ATRX: variants seen among roughly 807,000 people sequenced by gnomAD.
ATRX encodes the protein ATRX chromatin remodeler.
ATRX carries 12 observed loss-of-function variants against 172.6 expected under a neutral mutation model. The observed-to-expected ratio is 0.07, with a 90% confidence interval of 0.04 to 0.11. ATRX has a LOEUF of 0.11. ATRX is among the 10% of genes least tolerant of loss of function. The pLI is 1.00. For synonymous variants in ATRX, 674 were observed against 594.7 expected, an observed-to-expected ratio of 1.13 and a Z score of -1.94; for missense variants, 1,368 against 1,767.4, an observed-to-expected ratio of 0.77 and a Z score of 4.05.
chrX:77,776,487 T>C (rs782203742), intron 1 of ATRX, among the ~76,000 whole-genome samples: 16 of 112,389 alleles, frequency 1.4e-4, no homozygotes, highest in African/African-American at 4.8e-4. Context: ...CCAAACTATG[T>C]AAAATTGTGC....
intron 1 of ATRX, among the ~76,000 whole-genome samples, chrX:77,761,192 A>G (rs897889100): frequency 4.5e-5 from 5 of 111,451 alleles, no homozygotes; most frequent in Non-Finnish European, 3.8e-5. Context: ...TGGCCCTGAG[A>G]GTAATTGTTA....
chrX:77,756,024 C>G (rs1332138884), intron 1 of ATRX, among the ~76,000 whole-genome samples: 1 of 112,249 alleles, frequency 8.9e-6, no homozygotes, highest in Non-Finnish European at 1.9e-5. Context: ...GGGGCTGCTG[C>G]CTTTCTTTCA....
chrX:77,658,298 T>A (rs782710639), intron 12 of ATRX, among the ~76,000 whole-genome samples: 16 of 112,488 alleles, frequency 1.4e-4, no homozygotes, highest in Admixed American at 4.7e-4. Context: ...TCAAAATGCA[T>A]AATAATCTCA....
At position 77,682,560 on chromosome X, in the gene ATRX, G is replaced by A. The variant is rs782757975; in HGVS notation, c.2696C>T (p.Thr899Met). ...TCGATCTCTTAATTCCATGATGGTCGTGTCTTTATCAACTGTGCCTTCTGC... is the reference window on the plus strand; with the variant it reads ...TCGATCTCTTAATTCCATGATGGTCATGTCTTTATCAACTGTGCCTTCTGC... Reference protein sequence around the residue: ...SSAEGTVDKDTTIMELRDRLP... With the variant: ...SSAEGTVDKDMTIMELRDRLP... Residue 899 changes from threonine (T) to methionine (M), a missense_variant, in exon 9 of 35, where the codon ACG (threonine) becomes ATG (methionine). Transcript: ENST00000373344. The A allele has an allele frequency of 3.1e-5, 37 of 1,209,219 alleles. No homozygotes were observed. The highest frequency in any genetic ancestry group is 5.9e-5 in the East Asian group (2 of 33,765).
intron 1 of ATRX, among the ~76,000 whole-genome samples, chrX:77,734,162 G>A (rs1015353298): frequency 1.9e-5 from 2 of 107,287 alleles, no homozygotes; most frequent in Non-Finnish European, 1.9e-5. Flanking sequence ...AGCCGAGATC[G>A]TGCCAGTGCA....
intron 11 of ATRX, 25 bp from the exon 12 acceptor site, chrX:77,663,583 A>G: frequency 8.5e-7 from 1 of 1,172,735 alleles, no homozygotes; most frequent in Non-Finnish European, 1.2e-6. Flanking sequence ...TAAATCAATA[A>G]AACCTTCTTC....
intron 15 of ATRX, among the ~76,000 whole-genome samples, chrX:77,640,785 T>C (rs575137696): frequency 4.8e-4 from 53 of 111,183 alleles, no homozygotes; most frequent in South Asian, 2.7e-3. Context: ...ACTGAAGTTG[T>C]GGGGCAGAAC....
intron 30 of ATRX, among the ~76,000 whole-genome samples, chrX:77,556,393 G>C (rs1278623441): frequency 1.6e-5 from 1 of 62,330 alleles, no homozygotes; most frequent in Non-Finnish European, 3.0e-5. Context: ...GAGAGGGAGA[G>C]AGGGGAGGAG....
chrX:77,648,686 A>T (rs1385049102), intron 15 of ATRX, among the ~76,000 whole-genome samples: 4 of 110,138 alleles, frequency 3.6e-5, no homozygotes, highest in African/African-American at 1.3e-4. Flanking sequence ...TCAAGGAAAA[A>T]ATGATAAAAC....
Position 77,506,747 on chromosome X carries a change from C to CAA in ATRX, c.*1602_*1603dup. The CAA allele has an allele frequency of 5.8e-6, 1 of 173,002 alleles. No homozygotes were observed. Among genetic ancestry groups the CAA allele is most frequent in the Non-Finnish European group, 1.1e-5 (1 of 91,133 alleles). The allele number at this position is 173,002 out of a possible 1,213,427, so 14.3% of individuals were successfully genotyped here. Reference sequence around the variant, plus strand: ...ACCAAACCTCACAAATTCTGTATCACAATCCTAGTGCTCTTGGATGTTTTA... The same window carrying CAA: ...ACCAAACCTCACAAATTCTGTATCACAAAATCCTAGTGCTCTTGGATGTTTTA... On this transcript the variant is annotated 3_prime_UTR_variant, in exon 35 of 35. Transcript: ENST00000373344.
At chrX:77,571,834 A>T (rs2065425322) in intron 28 of ATRX, among the ~76,000 whole-genome samples, 1 of 111,447 alleles carries the variant, frequency 9.0e-6, no homozygotes, top group Admixed American at 9.5e-5. Flanking sequence ...AACCAAAAAT[A>T]GTATCAAGCT....
chrX:77,637,939 C>CAAAAAAAAAA (rs373944111), intron 15 of ATRX, among the ~76,000 whole-genome samples: 2 of 42,839 alleles, frequency 4.7e-5, no homozygotes, highest in African/African-American at 1.0e-4. Context: ...AGCTCCATCT[C>CAAAAAAAAAA]AAAAAAAAAA....
At chrX:77,587,181 C>G (rs782777625) in intron 27 of ATRX, among the ~76,000 whole-genome samples, 17 of 111,243 alleles carry the variant, frequency 1.5e-4, no homozygotes, top group African/African-American at 5.5e-4. Context: ...CTTTCATAAT[C>G]AGGACAAAAA....
chrX:77,613,854 A>T (rs1212075858), intron 22 of ATRX, among the ~76,000 whole-genome samples: 1 of 112,309 alleles, frequency 8.9e-6, no homozygotes, highest in African/African-American at 3.2e-5. Flanking sequence ...TTATTAAAAA[A>T]TTAAGTATCT....
intron 21 of ATRX, among the ~76,000 whole-genome samples, chrX:77,617,198 A>C (rs1200279554): frequency 8.9e-6 from 1 of 112,077 alleles, no homozygotes; most frequent in Non-Finnish European, 1.9e-5. Flanking sequence ...ATAATTTTAG[A>C]GGGAATATTT....
At chrX:77,617,531 T>C (rs1194900634) in intron 21 of ATRX, among the ~76,000 whole-genome samples, 7 of 111,361 alleles carry the variant, frequency 6.3e-5, no homozygotes, top group Non-Finnish European at 3.8e-5. Context: ...AATAATGTAG[T>C]GTTTGCATAT....
rs782428581 is a variant in ATRX at position 77,683,869 on chromosome X, T to G, written c.1387A>C (p.Lys463Gln). 2 of 1,210,099 alleles carry G rather than the reference T, an allele frequency of 1.7e-6. No homozygotes were observed. The highest frequency in any genetic ancestry group is 4.3e-5 in the Admixed American group (2 of 46,032). The change falls in exon 9 of 35, where the codon AAA becomes CAA. Residue 463 changes from lysine (K) to glutamine (Q), a missense_variant. Physicochemically the swap from Lys to Gln is moderately conservative, Grantham distance 53 (BLOSUM62 1). Around this residue, in one of 17 missense-constraint regions of ATRX, gnomAD observed 843 missense variants for 643.1 expected, o/e 1.31. Coordinates refer to ENST00000373344, the MANE Select transcript of ATRX (RefSeq NM_000489.6). ...EKKDISKSEA[K>Q]LSRKQVDSEH... ...CTATCTACCTGTTTTCTTGAAAGTTTAGCTTCTGACTTTGAAATATCCTTC... is the reference window on the plus strand; with the variant it reads ...CTATCTACCTGTTTTCTTGAAAGTTGAGCTTCTGACTTTGAAATATCCTTC...
At chrX:77,517,006 A>C (rs2147713621) in intron 34 of ATRX, among the ~76,000 whole-genome samples, 1 of 111,261 alleles carries the variant, frequency 9.0e-6, no homozygotes, top group South Asian at 3.8e-4. Flanking sequence ...ACATTAAGAA[A>C]AAAACTGAAA....
rs374670846 is a variant in ATRX at position 77,683,690 on chromosome X, G to A, written c.1566C>T (p.Ser522=). The change falls in exon 9 of 35, where the codon TCC becomes TCT. Residue 522 remains serine (S), a synonymous_variant. Coordinates refer to ENST00000373344, the MANE Select transcript of ATRX (RefSeq NM_000489.6). ...TCTCAAAAATGTCTTCTGGAACTGAGGAAGGAACAGACACAATATCCATGT... is the reference window on the plus strand; with the variant it reads ...TCTCAAAAATGTCTTCTGGAACTGAAGAAGGAACAGACACAATATCCATGT... ...DLDMDIVSVP[S]SVPEDIFENL... The A allele has an allele frequency of 8.3e-7, 1 of 1,211,316 alleles. No homozygotes were observed. Among genetic ancestry groups the A allele is most frequent in the Non-Finnish European group, 1.1e-6 (1 of 895,202 alleles).
Sources: gnomAD v4.1 joint callset for allele counts (sites outside exome capture counted in the v4.1 genomes callset) on GRCh38, gnomAD v4.1.1 for gene constraint, gnomAD v4.1.1 regional missense constraint, MANE v1.5 for transcripts, NCBI Gene and HGNC (gene_info 2026-07-23, HGNC 2026-07-21) for gene names.